USP4: variants seen among roughly 807,000 people sequenced by gnomAD.
USP4 encodes the protein ubiquitin specific peptidase 4.
A neutral mutation model predicts 118.2 loss-of-function variants in USP4; 72 were observed. That is an observed-to-expected ratio of 0.61 (90% CI 0.50 to 0.74). The LOEUF (loss-of-function observed/expected upper bound fraction) is 0.74. Among genes scored for constraint, USP4 ranks in the 30% least tolerant of loss-of-function variants. The pLI is 0.00. For missense variants in USP4, 1,037 were observed against 1,185.7 expected, an observed-to-expected ratio of 0.87 and a Z score of 1.84; for synonymous variants, 415 against 440.4, an observed-to-expected ratio of 0.94 and a Z score of 0.72.
intron 8 of USP4, among the ~76,000 whole-genome samples, chr3:49,309,978 T>C (rs528336962): frequency 5.2e-4 from 37 of 71,440 alleles, no homozygotes; most frequent in Non-Finnish European, 8.4e-4. Context: ...AGACAGAGTC[T>C]CACTCTGTTG....
At position 49,324,586 on chromosome 3, in the gene USP4, A is replaced by G. The variant is rs542772665; in HGVS notation, c.695+116T>C. On this transcript the variant is annotated intron_variant, in intron 6 of 21. Transcript: ENST00000265560. ...CAGAAGCATGAACTCTGGATATACAAAATAGGCATTGTTCATCTGAATCAG... is the reference window on the plus strand; with the variant it reads ...CAGAAGCATGAACTCTGGATATACAGAATAGGCATTGTTCATCTGAATCAG... 323 of 979,046 alleles carry G rather than the reference A, an allele frequency of 3.3e-4. 1 individual carries two copies. The African/African-American group carries it at 4.2e-3, about 13-fold the overall frequency. The allele number at this position is 979,046 out of a possible 1,614,324, so 60.6% of individuals were successfully genotyped here.
intron 3 of USP4, among the ~76,000 whole-genome samples, chr3:49,327,317 C>A (rs770552135): frequency 1.2e-4 from 18 of 152,114 alleles, no homozygotes; most frequent in Non-Finnish European, 2.9e-5. Flanking sequence ...TCGGGCGGAT[C>A]ACAAGGTCAA....
rs972598518 is a variant in USP4 at position 49,322,754 on chromosome 3, G to A, written c.695+1948C>T. On this transcript the variant is annotated intron_variant, in intron 6 of 21. Transcript: ENST00000265560. ...TGGGAGCTTGTAGTCCCAGCTGCTC[G>A]GGAGGCTGAGGCATCAGTCACTTGA... Among the ~76,000 whole-genome samples the A allele has an allele frequency of 2.7e-4, 32 of 116,882 alleles. 2 individuals are homozygous for A. Among genetic ancestry groups the A allele is most frequent in the East Asian group, 2.7e-4 (1 of 3,644 alleles). The allele number at this position is 116,882 out of a possible 152,430, so 76.7% of individuals were successfully genotyped here. A position where few individuals can be genotyped will look rare whatever the true frequency, so the allele number is the denominator to read the frequency against.
intron 8 of USP4, among the ~76,000 whole-genome samples, chr3:49,309,958 T>TA: frequency 1.1e-5 from 1 of 92,532 alleles, no homozygotes; most frequent in Non-Finnish European, 2.1e-5. Flanking sequence ...TTTTTTTTTT[T>TA]TTTTTTTTGA....
chr3:49,287,505 C>T (rs150147336), intron 15 of USP4, among the ~76,000 whole-genome samples: 152 of 152,050 alleles, frequency 1.0e-3, no homozygotes, highest in African/African-American at 3.5e-3. Context: ...TGGAGTCTCA[C>T]TCTGTTGCCC....
chr3:49,282,030 CA>C (rs554136015), intron 19 of USP4, among the ~76,000 whole-genome samples: 1 of 150,678 alleles, frequency 6.6e-6, no homozygotes, highest in Non-Finnish European at 1.5e-5. Flanking sequence ...AAAAACAAAA[CA>C]AAAAAAACAA....
chr3:49,298,457 A>G, intron 12 of USP4, 95 bp downstream of exon 12: 1 of 1,203,410 alleles, frequency 8.3e-7, no homozygotes, highest in Non-Finnish European at 1.2e-6. Flanking sequence ...TGGCAATAAC[A>G]ACAACCCCAA....
intron 5 of USP4, 43 bp from the exon 6 acceptor site, chr3:49,324,806 G>A (rs767715479): frequency 7.1e-5 from 115 of 1,612,498 alleles, no homozygotes; most frequent in East Asian, 2.0e-4. Context: ...TCAAACCACC[G>A]CACTTCCAAC....
Position 49,278,372 on chromosome 3 carries a change from G to A in USP4, c.2813C>T (p.Ser938Phe). The A allele has an allele frequency of 6.2e-7, 1 of 1,614,116 alleles. No homozygotes were observed. The highest frequency in any genetic ancestry group is 8.5e-7 in the Non-Finnish European group (1 of 1,180,034). The stretch of plus-strand genomic sequence containing the variant: ...GCTTGGTCGTGTCCCTCCATCAGAG[G>A]AACCAGAACTGCTAAGTGAAGGTGT... ...YKTPSLSSSG[S>F]SDGGTRPSSS... The change falls in exon 22 of 22, where the codon TCC becomes TTC. Residue 938 changes from serine to phenylalanine, a missense_variant. By Grantham distance (155) the Ser-to-Phe change is radical (BLOSUM62 -2). Around this residue, in one of 3 missense-constraint regions of USP4, gnomAD observed 522 missense variants for 592.6 expected, o/e 0.88. Coordinates refer to ENST00000265560, the MANE Select transcript of USP4 (RefSeq NM_003363.4).
At chr3:49,296,597 C>T (rs1326066444) in intron 13 of USP4, among the ~76,000 whole-genome samples, 1 of 152,044 alleles carries the variant, frequency 6.6e-6, no homozygotes, top group Non-Finnish European at 1.5e-5. Flanking sequence ...TGCAGTGAGC[C>T]GAGATTGCGC....
intron 14 of USP4, chr3:49,293,676 G>GA (rs796664436): frequency 6.2e-4 from 86 of 139,692 alleles, no homozygotes; most frequent in Non-Finnish European, 4.7e-4. Context: ...ATCTCGGAAG[G>GA]AAAAAAAAAA....
chr3:49,330,170 C>T (rs2047599673), intron 2 of USP4, among the ~76,000 whole-genome samples: 1 of 80,760 alleles, frequency 1.2e-5, no homozygotes, highest in Admixed American at 1.6e-4. Context: ...GACTCTGTCT[C>T]AAAACAAACA....
intron 2 of USP4, among the ~76,000 whole-genome samples, chr3:49,333,224 A>G (rs1376108343): frequency 6.8e-6 from 1 of 147,554 alleles, no homozygotes; most frequent in Non-Finnish European, 1.5e-5. Flanking sequence ...ATCTCAGCTC[A>G]CTGAAACCAC....
chr3:49,305,722 A>G lies in USP4; in HGVS notation c.1121T>C (p.Met374Thr), dbSNP rs2047307134. ...ATATATATGTCTACCTACTTTGAAC[A>G]TGCGAGGTGCCACATGGGCGTCCCT... is the stretch of plus-strand genomic sequence containing the variant. ...SGRDAHVAPR[M>T]FKTQVGRFAP... Residue 374 changes from methionine (M) to threonine (T), a missense_variant, in exon 9 of 22, where the codon ATG (methionine) becomes ACG (threonine). Around this residue, in one of 3 missense-constraint regions of USP4, gnomAD observed 487 missense variants for 534.1 expected, o/e 0.91. Transcript: ENST00000265560. 3 of 1,605,800 alleles carry G rather than the reference A, an allele frequency of 1.9e-6. No homozygotes were observed. Among genetic ancestry groups the G allele is most frequent in the South Asian group, 1.1e-5 (1 of 89,718 alleles).
intron 15 of USP4, among the ~76,000 whole-genome samples, chr3:49,289,976 G>GT (rs1464134522): frequency 2.0e-5 from 3 of 152,098 alleles, no homozygotes; most frequent in Non-Finnish European, 4.4e-5. Context: ...AAAGAAATTA[G>GT]CTGGGTATGG....
Position 49,300,451 on chromosome 3 carries a change from G to A in USP4, c.1512+16C>T, listed in dbSNP as rs1426957191. On this transcript the variant is annotated intron_variant, in intron 11 of 21. Transcript: ENST00000265560. ...ACTTGCAGTGAGGGGTGCCATAAGG[G>A]TGTGGATTCTGTCACCTGAGTAGGT... The A allele has an allele frequency of 6.2e-7, 1 of 1,607,478 alleles. No homozygotes were observed. Among genetic ancestry groups the A allele is most frequent in the Non-Finnish European group, 8.5e-7 (1 of 1,174,026 alleles).
chr3:49,321,381 C>G (rs2047498584), intron 6 of USP4, among the ~76,000 whole-genome samples: 1 of 152,106 alleles, frequency 6.6e-6, no homozygotes, highest in South Asian at 2.1e-4. Context: ...TCTCTCTGCT[C>G]TATACTAATT....
Position 49,284,078 on chromosome 3 carries a change from A to G in USP4, c.2449T>C (p.Leu817=). 6.2e-7 allele frequency: 1 copy of G among 1,614,260 alleles called. No individual in the cohort carries two copies. The highest frequency in any genetic ancestry group is 8.5e-7 in the Non-Finnish European group (1 of 1,180,044). The change falls in exon 19 of 22, where the codon TTG becomes CTG. Residue 817 remains leucine (L), a synonymous_variant. Transcript: ENST00000265560. ...QATKKFDLWS[L]PKILVVHLKR... is the part of the protein sequence containing the mutation. The stretch of plus-strand genomic sequence containing the variant: ...AGGTGGACCACCAGGATCTTGGGCA[A>G]GGACCATAGGTCAAACTTTTTTGTG...
rs2047203672 is a variant in USP4 at position 49,295,963 on chromosome 3, C to A, written c.1692-1365G>T. ...CTTCTTAGTCTATTTATTCGGTGGA[C>A]AATGGGATTACCCACTTTAAAAGGT... is the stretch of plus-strand genomic sequence containing the variant. On this transcript the variant is annotated intron_variant, in intron 13 of 21. Coordinates refer to ENST00000265560, the MANE Select transcript of USP4 (RefSeq NM_003363.4). Among the ~76,000 whole-genome samples, 3 of 152,044 alleles carry A rather than the reference C, an allele frequency of 2.0e-5. No individual in the cohort carries two copies. In the South Asian group the frequency reaches 6.2e-4, roughly 32 times the overall value.
Sources: gnomAD v4.1 joint callset for allele counts (sites outside exome capture counted in the v4.1 genomes callset) on GRCh38, gnomAD v4.1.1 for gene constraint, gnomAD v4.1.1 regional missense constraint, MANE v1.5 for transcripts, NCBI Gene and HGNC (gene_info 2026-07-23, HGNC 2026-07-21) for gene names.